The following CHM variants were observed in gnomAD, a reference collection of about 807,000 sequenced individuals.
CHM encodes the protein CHM Rab escort protein.
A neutral mutation model predicts 49.0 loss-of-function variants in CHM; 10 were observed. The observed-to-expected ratio is 0.20, with a 90% CI of 0.13 to 0.35. The LOEUF (loss-of-function observed/expected upper bound fraction) is 0.35. Among genes scored for constraint, CHM ranks in the 10% least tolerant of loss-of-function variants. CHM has a pLI of 1.00. For synonymous variants in CHM, 184 were observed against 167.5 expected, an observed-to-expected ratio of 1.10 and a Z score of -0.76; for missense variants, 455 against 478.4, an observed-to-expected ratio of 0.95 and a Z score of 0.46.
At chrX:85,988,891 G>T (rs1932046743) in intron 2 of CHM, among the ~76,000 whole-genome samples, 1 of 111,877 alleles carries the variant, frequency 8.9e-6, no homozygotes. Flanking sequence ...TCATGAATAG[G>T]AAGAATCAAA....
chrX:85,915,215 C>T (rs757434526), intron 8 of CHM, among the ~76,000 whole-genome samples: 8 of 111,258 alleles, frequency 7.2e-5, no homozygotes, highest in African/African-American at 2.6e-4. Context: ...TTGATTATTT[C>T]AATAGATGTA....
At chrX:86,041,717 GGT>G (rs1418595129) in intron 1 of CHM, among the ~76,000 whole-genome samples, 1 of 56,307 alleles carries the variant, frequency 1.8e-5, no homozygotes, top group Non-Finnish European at 3.1e-5. Context: ...TTATATATAT[GGT>G]GTGTGTGTAT....
At chrX:85,905,878 T>C (rs1569407746) in intron 9 of CHM, among the ~76,000 whole-genome samples, 1 of 111,585 alleles carries the variant, frequency 9.0e-6, no homozygotes, top group Non-Finnish European at 1.9e-5. Context: ...TCTTACACTT[T>C]ATTCTGAGAT....
chrX:86,031,569 G>C (rs193010230), intron 1 of CHM, among the ~76,000 whole-genome samples: 2 of 112,619 alleles, frequency 1.8e-5, no homozygotes, highest in Admixed American at 1.9e-4. Flanking sequence ...CGCTGGGCAC[G>C]GTGGCTCACA....
At chrX:85,917,428 G>T (rs927271093) in intron 8 of CHM, among the ~76,000 whole-genome samples, 1 of 111,183 alleles carries the variant, frequency 9.0e-6, no homozygotes, top group African/African-American at 3.3e-5. Context: ...ACCTGCAAAT[G>T]TAGCCCTGAA....
At chrX:85,901,653 A>G (rs560254673) in intron 9 of CHM, among the ~76,000 whole-genome samples, 2 of 111,798 alleles carry the variant, frequency 1.8e-5, no homozygotes, top group Admixed American at 1.9e-4. Flanking sequence ...TTTTCTGTTA[A>G]ATGTTGGTTT....
At chrX:85,941,618 GC>G (rs1318955388) in intron 8 of CHM, among the ~76,000 whole-genome samples, 1 of 111,353 alleles carries the variant, frequency 9.0e-6, no homozygotes, top group Non-Finnish European at 1.9e-5. Flanking sequence ...GGAAAAACCT[GC>G]CACCTATTTT....
At chrX:85,969,606 T>C (rs1056496960) in intron 4 of CHM, 2 of 128,723 alleles carry the variant, frequency 1.6e-5, no homozygotes, top group Non-Finnish European at 2.9e-5. Context: ...CCCTCACTAC[T>C]GGGTATATAG....
intron 11 of CHM, among the ~76,000 whole-genome samples, chrX:85,896,611 T>C (rs1925846753): frequency 9.2e-6 from 1 of 108,271 alleles, no homozygotes; most frequent in Non-Finnish European, 1.9e-5. Context: ...TTATGCAGAA[T>C]TGATATCATG....
At chrX:85,997,294 C>T (rs1446856342) in intron 2 of CHM, among the ~76,000 whole-genome samples, 1 of 111,214 alleles carries the variant, frequency 9.0e-6, no homozygotes. Context: ...AAAATTTGAG[C>T]ATGTTTAATG....
intron 12 of CHM, among the ~76,000 whole-genome samples, chrX:85,890,156 C>T (rs1405545687): frequency 9.0e-6 from 1 of 111,379 alleles, no homozygotes. Flanking sequence ...GCGATATACC[C>T]TTGTAATGAA....
chrX:85,868,019 CTGTG>C (rs36027427), intron 14 of CHM, among the ~76,000 whole-genome samples: 1,377 of 95,762 alleles, frequency 0.014, 17 homozygotes, highest in East Asian at 0.079. Flanking sequence ...ATAGTTACCA[CTGTG>C]TGTGTGTGTG....
At chrX:85,972,650 G>A (rs1383705960) in intron 4 of CHM, among the ~76,000 whole-genome samples, 10 of 112,700 alleles carry the variant, frequency 8.9e-5, no homozygotes, top group South Asian at 7.2e-4. Context: ...CGGCCGCTCC[G>A]AGTGCGGGGC....
chrX:85,957,743 A>C, intron 7 of CHM, 112 bp downstream of exon 7: 1 of 939,148 alleles, frequency 1.1e-6, no homozygotes, highest in Non-Finnish European at 1.5e-6. Context: ...GATAGTGCAG[A>C]GTTAGAATGC....
chrX:85,885,157 A>C (rs1925008537), intron 12 of CHM, among the ~76,000 whole-genome samples: 1 of 110,604 alleles, frequency 9.0e-6, no homozygotes, highest in Non-Finnish European at 1.9e-5. Context: ...TATCAGAATT[A>C]GTTAACAAGT....
At chrX:86,034,176 G>C (rs1934145604) in intron 1 of CHM, among the ~76,000 whole-genome samples, 1 of 111,516 alleles carries the variant, frequency 9.0e-6, no homozygotes, top group African/African-American at 3.3e-5. Flanking sequence ...AAAATAAAGG[G>C]CTTGGAATAA....
chrX:85,901,271 T>C, intron 9 of CHM, 83 bp from the exon 10 acceptor site: 2 of 622,549 alleles, frequency 3.2e-6, no homozygotes, highest in Admixed American at 3.7e-5. Flanking sequence ...CAATTTTGAA[T>C]CTAAAATGAA....
At chrX:85,912,440 A>T (rs188353067) in intron 8 of CHM, among the ~76,000 whole-genome samples, 249 of 111,562 alleles carry the variant, frequency 2.2e-3, no homozygotes, top group African/African-American at 7.9e-3. Flanking sequence ...CCCCAAAATG[A>T]TATTCGGATG....
Position 85,862,725 on chromosome X carries a change from A to C in CHM, c.*1905T>G, listed in dbSNP as rs376598198. On this transcript the variant is annotated 3_prime_UTR_variant, in exon 15 of 15. Transcript: ENST00000357749. The stretch of plus-strand genomic sequence containing the variant: ...CTTCCATTACTCTGGCTTGAACTAT[A>C]TCTGCAGTGGGTAGAAAGGTGAGGC... 26 of 111,462 alleles carry C rather than the reference A, an allele frequency of 2.3e-4. No individual in the cohort carries two copies. Among genetic ancestry groups the C allele is most frequent in the African/African-American group, 8.5e-4 (26 of 30,694 alleles). The allele number at this position is 111,462 out of a possible 1,213,427, so 9.2% of individuals were successfully genotyped here. A position where few individuals can be genotyped will look rare whatever the true frequency, so the allele number is the denominator to read the frequency against.
Sources: gnomAD v4.1 joint callset for allele counts (sites outside exome capture counted in the v4.1 genomes callset) on GRCh38, gnomAD v4.1.1 for gene constraint, MANE v1.5 for transcripts, NCBI Gene and HGNC (gene_info 2026-07-23, HGNC 2026-07-21) for gene names.